Variants in NTRK3 observed in about 807,000 individuals in gnomAD.
The protein encoded by NTRK3 is neurotrophic receptor tyrosine kinase 3.
A neutral mutation model predicts 91.7 loss-of-function variants in NTRK3; 24 were observed. The ratio of observed to expected loss-of-function variants is 0.26; its 90% CI spans 0.19 to 0.37. NTRK3 has a LOEUF of 0.37. NTRK3 is among the 10% of genes least tolerant of loss of function. The pLI, the probability that NTRK3 is intolerant of heterozygous loss-of-function variation, is 1.00. For missense variants in NTRK3, 880 were observed against 1,068.9 expected (o/e 0.82, Z 2.46); for synonymous variants, 483 against 404.0 (o/e 1.20, Z -2.34).
At chr15:87,897,003 T>G (rs546819941) in intron 17 of NTRK3, among the ~76,000 whole-genome samples, 1 of 152,304 alleles carries the variant, frequency 6.6e-6, no homozygotes, top group Admixed American at 6.5e-5. Context: ...TATTGCTCCC[T>G]CAGAGCAGGG....
intron 13 of NTRK3, among the ~76,000 whole-genome samples, chr15:88,065,586 T>C (rs2046581054): frequency 6.6e-6 from 1 of 152,116 alleles, no homozygotes; most frequent in Non-Finnish European, 1.5e-5. Flanking sequence ...CCCTACCAGA[T>C]GCCATCTGGA....
intron 17 of NTRK3, among the ~76,000 whole-genome samples, chr15:87,889,945 C>CATTTATTTATTTATTT (rs34147113): frequency 2.7e-4 from 38 of 139,188 alleles, no homozygotes; most frequent in Admixed American, 5.1e-4. Flanking sequence ...CCCAACTTTC[C>CATTTATTTATTTATTT]ATTTATTTAT....
chr15:88,069,023 G>T (rs1481997669), intron 13 of NTRK3, among the ~76,000 whole-genome samples: 1 of 152,170 alleles, frequency 6.6e-6, no homozygotes, highest in African/African-American at 2.4e-5. Context: ...GGCTATTATG[G>T]GGCTGTAATG....
intron 17 of NTRK3, among the ~76,000 whole-genome samples, chr15:87,905,356 T>TTGTA: frequency 6.6e-6 from 1 of 152,294 alleles, no homozygotes; most frequent in African/African-American, 2.4e-5. Context: ...CTTTACTTTG[T>TTGTA]TGTAGCAGGT....
intron 13 of NTRK3, among the ~76,000 whole-genome samples, chr15:88,060,121 G>A (rs770929197): frequency 1.3e-5 from 2 of 152,124 alleles, no homozygotes; most frequent in Non-Finnish European, 2.9e-5. Flanking sequence ...TGGGTGAGGT[G>A]GCTCACGCCT....
chr15:88,000,360 T>C (rs909581843), intron 14 of NTRK3, among the ~76,000 whole-genome samples: 1 of 152,206 alleles, frequency 6.6e-6, no homozygotes, highest in Admixed American at 6.5e-5. Flanking sequence ...TCTCTTCCAA[T>C]AGGGCAGTGT....
chr15:87,995,589 T>G (rs1371711398), intron 14 of NTRK3, among the ~76,000 whole-genome samples: 2 of 151,888 alleles, frequency 1.3e-5, no homozygotes. Flanking sequence ...AACTTGAGAG[T>G]TTTGGGCAAT....
intron 6 of NTRK3, 59 bp downstream of exon 6, chr15:88,147,276 T>A: frequency 6.7e-7 from 1 of 1,499,910 alleles, no homozygotes; most frequent in Non-Finnish European, 9.3e-7. Context: ...TTGACACTCC[T>A]CCCCATCCAC....
At chr15:88,025,681 C>T (rs2077974130) in intron 14 of NTRK3, among the ~76,000 whole-genome samples, 1 of 152,156 alleles carries the variant, frequency 6.6e-6, no homozygotes, top group African/African-American at 2.4e-5. Flanking sequence ...CCTGTCAACA[C>T]CTTGATTTCA....
chr15:88,006,453 A>G (rs1390476903), intron 14 of NTRK3, among the ~76,000 whole-genome samples: 1 of 152,178 alleles, frequency 6.6e-6, no homozygotes, highest in African/African-American at 2.4e-5. Context: ...GGATTGATAG[A>G]GATCATCATG....
chr15:88,121,201 A>T (rs1285333818), intron 13 of NTRK3, among the ~76,000 whole-genome samples: 1 of 152,224 alleles, frequency 6.6e-6, no homozygotes, highest in African/African-American at 2.4e-5. Context: ...TGCTCACCTT[A>T]TATGAAAACT....
exon 19 of NTRK3, chr15:87,867,282 A>G (rs2064709517): frequency 4.4e-6 from 1 of 226,376 alleles, no homozygotes; most frequent in Non-Finnish European, 8.8e-6. Context: ...CAGGCTAGGA[A>G]AGAGGGAGAT....
At chr15:87,959,194 C>T (rs1264572451) in intron 14 of NTRK3, among the ~76,000 whole-genome samples, 3 of 152,262 alleles carry the variant, frequency 2.0e-5, no homozygotes, top group East Asian at 1.9e-4. Flanking sequence ...CTGCCGCCGT[C>T]GGATAATTAT....
In NTRK3 at chr15:88,116,244, A is replaced by T. The variant is rs1413777346; in HGVS notation, c.1396+10027T>A. On this transcript the variant is annotated intron_variant, in intron 13 of 18. Transcript: ENST00000394480. ...TATAGAAACAGTTTTAGGAAAGAAG[A>T]GAGGCATATTTACCCAAAGAGGATA... Among the ~76,000 whole-genome samples the T allele has an allele frequency of 2.0e-5, 3 of 152,162 alleles. No homozygotes were observed. The East Asian group carries it at 5.8e-4, about 29-fold the overall frequency.
At chr15:88,082,072 G>A (rs1203890452) in intron 13 of NTRK3, among the ~76,000 whole-genome samples, 3 of 152,054 alleles carry the variant, frequency 2.0e-5, no homozygotes, top group South Asian at 2.1e-4. Flanking sequence ...GCCAGGAGAT[G>A]GAGACCATCC....
chr15:88,137,268 C>A (rs1597521364), intron 7 of NTRK3, 136 bp downstream of exon 7: 2 of 984,250 alleles, frequency 2.0e-6, no homozygotes, highest in East Asian at 5.2e-5. Flanking sequence ...GAGGTCTGCA[C>A]ACAACTGCAG....
At chr15:88,179,524 A>T (rs1291047902) in intron 5 of NTRK3, among the ~76,000 whole-genome samples, 1 of 152,230 alleles carries the variant, frequency 6.6e-6, no homozygotes, top group Non-Finnish European at 1.5e-5. Flanking sequence ...TCTACAGGTG[A>T]AAGGAAGTAC....
At chr15:88,176,694 C>A (rs2046028226) in intron 5 of NTRK3, among the ~76,000 whole-genome samples, 1 of 152,156 alleles carries the variant, frequency 6.6e-6, no homozygotes. Flanking sequence ...CTTGTACATG[C>A]AACAAATCAC....
intron 13 of NTRK3, among the ~76,000 whole-genome samples, chr15:88,087,327 C>T (rs571835907): frequency 2.0e-5 from 3 of 152,240 alleles, no homozygotes; most frequent in East Asian, 1.9e-4. Flanking sequence ...CTTCTGCAAG[C>T]GGCCCTGGGG....
Sources: gnomAD v4.1 joint callset for allele counts (sites outside exome capture counted in the v4.1 genomes callset) on GRCh38, gnomAD v4.1.1 for gene constraint, MANE v1.5 for transcripts, NCBI Gene and HGNC (gene_info 2026-07-23, HGNC 2026-07-21) for gene names.